Variants in HS3ST4 observed in about 807,000 individuals in gnomAD.
HS3ST4 encodes heparan sulfate glucosamine 3-O-sulfotransferase 4.
HS3ST4 carries 17 observed loss-of-function variants against 29.2 expected under a neutral mutation model. The observed-to-expected ratio is 0.58, with a 90% CI of 0.40 to 0.87. The LOEUF (loss-of-function observed/expected upper bound fraction) is 0.87, where lower values mean the gene tolerates loss of function less well. Among genes scored for constraint, HS3ST4 ranks in the 40% least tolerant of loss-of-function variants. HS3ST4 has a pLI of 0.00. For synonymous variants in HS3ST4, 314 were observed against 285.7 expected, an observed-to-expected ratio of 1.10 and a Z score of -1.00; for missense variants, 627 against 634.5, an observed-to-expected ratio of 0.99 and a Z score of 0.13.
intron 1 of HS3ST4, among the ~76,000 whole-genome samples, chr16:25,748,532 T>A (rs1029667264): frequency 6.6e-6 from 1 of 152,170 alleles, no homozygotes; most frequent in Non-Finnish European, 1.5e-5. Context: ...CCTCTGGAAA[T>A]CTCAGAATCA....
chr16:26,131,556 A>T (rs1899419563), intron 1 of HS3ST4, among the ~76,000 whole-genome samples: 1 of 152,188 alleles, frequency 6.6e-6, no homozygotes, highest in Non-Finnish European at 1.5e-5. Flanking sequence ...GAACTTACTT[A>T]AAACCTAGAA....
At chr16:25,843,044 C>A (rs12930390) in intron 1 of HS3ST4, among the ~76,000 whole-genome samples, 16,220 of 152,208 alleles carry the variant, frequency 0.11, 1,077 homozygotes, top group Middle Eastern at 0.17. Context: ...ATTTTATTCC[C>A]ATAGGAATAT....
intron 1 of HS3ST4, among the ~76,000 whole-genome samples, chr16:26,085,782 G>A (rs921960736): frequency 6.6e-6 from 1 of 151,844 alleles, no homozygotes; most frequent in Non-Finnish European, 1.5e-5. Context: ...GTTAAGGCAG[G>A]AAGACTGCTT....
intron 1 of HS3ST4, among the ~76,000 whole-genome samples, chr16:26,001,408 A>G (rs1969210554): frequency 6.6e-6 from 1 of 152,216 alleles, no homozygotes; most frequent in Non-Finnish European, 1.5e-5. Context: ...GTAAATCTAG[A>G]TAAAACATAT....
At chr16:25,829,205 A>C (rs968396820) in intron 1 of HS3ST4, among the ~76,000 whole-genome samples, 1 of 152,218 alleles carries the variant, frequency 6.6e-6, no homozygotes, top group African/African-American at 2.4e-5. Flanking sequence ...GCCTCCCTTC[A>C]TGGAGACTTG....
chr16:25,924,398 A>G (rs896142106), intron 1 of HS3ST4, among the ~76,000 whole-genome samples: 13 of 152,110 alleles, frequency 8.5e-5, no homozygotes, highest in African/African-American at 3.1e-4. Context: ...GCACCGATCC[A>G]TTTTCCTCCC....
intron 1 of HS3ST4, among the ~76,000 whole-genome samples, chr16:26,001,090 CAATTTTTATGACAT>C (rs148263688): frequency 0.081 from 12,315 of 151,968 alleles, 772 homozygotes; most frequent in African/African-American, 0.18. Context: ...TATTTTATGT[CAATTTTTATGACAT>C]AATTTTTATG....
intron 1 of HS3ST4, among the ~76,000 whole-genome samples, chr16:25,702,949 A>G (rs1444649367): frequency 6.6e-6 from 1 of 152,050 alleles, no homozygotes; most frequent in Non-Finnish European, 1.5e-5. Flanking sequence ...TCACAGGGTC[A>G]AGAGATTGAG....
intron 1 of HS3ST4, among the ~76,000 whole-genome samples, chr16:26,049,684 G>T (rs1898313739): frequency 6.6e-6 from 1 of 152,052 alleles, no homozygotes; most frequent in Admixed American, 6.5e-5. Flanking sequence ...CATCTACCTG[G>T]AGATAGCGTC....
chr16:25,778,077 C>A (rs890903399), intron 1 of HS3ST4, among the ~76,000 whole-genome samples: 9 of 151,890 alleles, frequency 5.9e-5, no homozygotes, highest in Non-Finnish European at 1.3e-4. Flanking sequence ...TTCAGTATTT[C>A]TTTTATGCTG....
At chr16:25,892,423 A>G (rs918740125) in intron 1 of HS3ST4, among the ~76,000 whole-genome samples, 1 of 152,200 alleles carries the variant, frequency 6.6e-6, no homozygotes, top group Non-Finnish European at 1.5e-5. Flanking sequence ...CTTACTTGCC[A>G]GGTAAAAGGC....
chr16:26,032,491 A>G (rs1266663400), intron 1 of HS3ST4: 40 of 1,214,712 alleles, frequency 3.3e-5, no homozygotes, highest in Non-Finnish European at 4.5e-5. Flanking sequence ...ATAGTATTCC[A>G]AACTGTACAG....
intron 1 of HS3ST4, among the ~76,000 whole-genome samples, chr16:25,848,426 C>G (rs775747390): frequency 6.6e-6 from 1 of 151,830 alleles, no homozygotes; most frequent in Non-Finnish European, 1.5e-5. Flanking sequence ...AGGAGTGAAC[C>G]GCTGTGCCCA....
intron 1 of HS3ST4, among the ~76,000 whole-genome samples, chr16:26,059,538 C>T (rs929853605): frequency 7.9e-5 from 12 of 152,120 alleles, no homozygotes; most frequent in African/African-American, 2.7e-4. Flanking sequence ...AATTAATTAA[C>T]GAAGTCATTC....
chr16:25,855,878 A>G (rs1967569603), intron 1 of HS3ST4, among the ~76,000 whole-genome samples: 1 of 151,980 alleles, frequency 6.6e-6, no homozygotes, highest in African/African-American at 2.4e-5. Context: ...GTGTTTTTTT[A>G]AACTTTCTTC....
intron 1 of HS3ST4, among the ~76,000 whole-genome samples, chr16:26,082,823 C>G (rs1237308751): frequency 2.0e-5 from 3 of 152,160 alleles, no homozygotes. Context: ...ACCTCCATCC[C>G]CTTGCATCTT....
chr16:25,774,652 G>A (rs562930631), intron 1 of HS3ST4, among the ~76,000 whole-genome samples: 1 of 152,222 alleles, frequency 6.6e-6, no homozygotes, highest in Non-Finnish European at 1.5e-5. Context: ...CTACCCCAAC[G>A]TGTGGATGAA....
At chr16:26,006,941 A>C (rs535262113) in intron 1 of HS3ST4, among the ~76,000 whole-genome samples, 1 of 152,240 alleles carries the variant, frequency 6.6e-6, no homozygotes, top group African/African-American at 2.4e-5. Flanking sequence ...AGCTTGGCCC[A>C]AGCCCAGAAA....
At chr16:25,880,268 C>T (rs1170874572) in intron 1 of HS3ST4, among the ~76,000 whole-genome samples, 1 of 152,126 alleles carries the variant, frequency 6.6e-6, no homozygotes, top group African/African-American at 2.4e-5. Flanking sequence ...CCCTGAGATT[C>T]TAAGTTCCAT....
Sources: allele counts gnomAD v4.1 joint callset (sites outside exome capture counted in the v4.1 genomes callset), GRCh38; gene constraint gnomAD v4.1.1; transcripts MANE v1.5; gene names NCBI Gene and HGNC (gene_info 2026-07-23, HGNC 2026-07-21).